Variants in SLC24A2 observed in about 807,000 individuals in gnomAD.
SLC24A2 encodes sodium/potassium/calcium exchanger 2.
In SLC24A2, 36 loss-of-function variants were observed where a neutral mutation model predicts 62.0. The ratio of observed to expected loss-of-function variants is 0.58; its 90% CI spans 0.44 to 0.77. The LOEUF (loss-of-function observed/expected upper bound fraction) is 0.77. SLC24A2 is among the 30% of genes least tolerant of loss of function. The pLI is 0.00. For synonymous variants in SLC24A2, 358 were observed against 294.0 expected, an observed-to-expected ratio of 1.22 and a Z score of -2.23; for missense variants, 846 against 817.9, an observed-to-expected ratio of 1.03 and a Z score of -0.42.
At chr9:19,948,682 A>T in the SLC24A2 span, among the ~76,000 whole-genome samples, 2 of 151,380 alleles carry the variant, frequency 1.3e-5, no homozygotes, top group Non-Finnish European at 2.9e-5. Context: ...CGTCTCTACT[A>T]AAAATACAAA....
the SLC24A2 span, among the ~76,000 whole-genome samples, chr9:19,796,690 C>A: frequency 3.9e-5 from 6 of 152,206 alleles, no homozygotes; most frequent in Non-Finnish European, 7.4e-5. Context: ...GCAATCCTTT[C>A]TTCACTGTAT....
At chr9:19,903,268 C>T in the SLC24A2 span, among the ~76,000 whole-genome samples, 12 of 152,232 alleles carry the variant, frequency 7.9e-5, no homozygotes, top group South Asian at 2.3e-3. Context: ...GAAGGCCCTC[C>T]TCCTAGTTCA....
the SLC24A2 span, among the ~76,000 whole-genome samples, chr9:19,938,679 C>T: frequency 6.6e-5 from 10 of 152,054 alleles, no homozygotes; most frequent in Non-Finnish European, 1.5e-4. Context: ...GTTGTTAACC[C>T]TCTAGTGATT....
At chr9:19,560,349 C>T (rs956251301) in intron 7 of SLC24A2, among the ~76,000 whole-genome samples, 13 of 138,552 alleles carry the variant, frequency 9.4e-5, no homozygotes, top group Non-Finnish European at 2.0e-4. Flanking sequence ...CTACACTCCT[C>T]TGTATTCAGA....
intron 8 of SLC24A2, among the ~76,000 whole-genome samples, chr9:19,537,256 A>G (rs199517895): frequency 7.1e-6 from 1 of 141,844 alleles, no homozygotes; most frequent in East Asian, 2.2e-4. Flanking sequence ...CTTTTGGTGT[A>G]TTGGACATGA....
chr9:20,120,821 A>G, the SLC24A2 span, among the ~76,000 whole-genome samples: 1 of 152,088 alleles, frequency 6.6e-6, no homozygotes, highest in Non-Finnish European at 1.5e-5. Flanking sequence ...AATGTTTTGT[A>G]TGGTGACAGG....
chr9:20,267,933 T>A, the SLC24A2 span, among the ~76,000 whole-genome samples: 1 of 151,994 alleles, frequency 6.6e-6, no homozygotes, highest in African/African-American at 2.4e-5. Context: ...CCCTCAACCC[T>A]CTCTCAATTA....
At chr9:19,519,168 T>C (rs765777766) in intron 10 of SLC24A2, among the ~76,000 whole-genome samples, 2 of 152,202 alleles carry the variant, frequency 1.3e-5, no homozygotes, top group East Asian at 1.9e-4. Flanking sequence ...AATTTATTCA[T>C]AGATGCCTCT....
the SLC24A2 span, among the ~76,000 whole-genome samples, chr9:20,097,841 T>A: frequency 7.1e-6 from 1 of 140,250 alleles, no homozygotes; most frequent in South Asian, 2.4e-4. Flanking sequence ...CTCCCGGGTT[T>A]ACGCCATTCT....
At chr9:19,722,865 T>C (rs1012275749) in intron 2 of SLC24A2, among the ~76,000 whole-genome samples, 7 of 152,182 alleles carry the variant, frequency 4.6e-5, no homozygotes, top group African/African-American at 1.7e-4. Flanking sequence ...TCTAGAGCAT[T>C]TGGAGGTGCT....
At chr9:20,229,629 T>C in the SLC24A2 span, among the ~76,000 whole-genome samples, 1 of 152,096 alleles carries the variant, frequency 6.6e-6, no homozygotes, top group African/African-American at 2.4e-5. Flanking sequence ...CAGTCTCGGG[T>C]CCCTTATCAC....
chr9:20,228,679 A>C, the SLC24A2 span, among the ~76,000 whole-genome samples: 5 of 152,272 alleles, frequency 3.3e-5, no homozygotes, highest in African/African-American at 1.2e-4. Flanking sequence ...GTCCTAGAAG[A>C]AAAGCAAAGA....
the SLC24A2 span, among the ~76,000 whole-genome samples, chr9:20,084,576 A>G: frequency 9.5e-5 from 14 of 147,002 alleles, no homozygotes; most frequent in African/African-American, 3.6e-4. Context: ...CCACCACCTC[A>G]GTGAACTCTC....
the SLC24A2 span, among the ~76,000 whole-genome samples, chr9:20,111,998 G>C: frequency 6.6e-6 from 1 of 152,136 alleles, no homozygotes; most frequent in African/African-American, 2.4e-5. Flanking sequence ...TCCAGATATA[G>C]TTTTGAATAA....
chr9:19,842,146 T>A, the SLC24A2 span, among the ~76,000 whole-genome samples: 1 of 152,214 alleles, frequency 6.6e-6, no homozygotes, highest in African/African-American at 2.4e-5. Flanking sequence ...ATATTCTAAA[T>A]AAGAATTTAC....
the SLC24A2 span, among the ~76,000 whole-genome samples, chr9:20,056,456 G>A: frequency 1.2e-4 from 18 of 152,174 alleles, no homozygotes; most frequent in Non-Finnish European, 2.2e-4. Context: ...TTCTAATCCT[G>A]TGAATGACCA....
chr9:20,098,660 T>G, the SLC24A2 span, among the ~76,000 whole-genome samples: 2 of 152,198 alleles, frequency 1.3e-5, no homozygotes, highest in African/African-American at 4.8e-5. Context: ...AAGGAAACAT[T>G]CAGACCCATC....
At chr9:19,965,059 G>A in the SLC24A2 span, among the ~76,000 whole-genome samples, 2,141 of 112,912 alleles carry the variant, frequency 0.019, 48 homozygotes, top group African/African-American at 0.065. Flanking sequence ...CGTGTAGATC[G>A]TGTAAGCCAG....
At chr9:19,814,081 T>G in the SLC24A2 span, among the ~76,000 whole-genome samples, 6 of 152,190 alleles carry the variant, frequency 3.9e-5, no homozygotes, top group Middle Eastern at 6.3e-3. Flanking sequence ...TGTTTTATAT[T>G]TTTGTTTAGC....
Sources: allele counts gnomAD v4.1 joint callset (sites outside exome capture counted in the v4.1 genomes callset), GRCh38; gene constraint gnomAD v4.1.1; transcripts MANE v1.5; gene names NCBI Gene and HGNC (gene_info 2026-07-23, HGNC 2026-07-21).